Variants in SLC4A7 observed in about 807,000 individuals in gnomAD.
SLC4A7 encodes solute carrier family 4 member 7.
SLC4A7 carries 51 observed loss-of-function variants against 137.6 expected under a neutral mutation model. The ratio of observed to expected loss-of-function variants is 0.37; its 90% CI spans 0.30 to 0.47. The LOEUF (loss-of-function observed/expected upper bound fraction) is 0.47, where lower values mean the gene tolerates loss of function less well. Among genes scored for constraint, SLC4A7 ranks in the 20% least tolerant of loss-of-function variants. The probability of loss-of-function intolerance (pLI) is 1.00; values close to 1 mark genes in which losing one functional copy is unlikely to be tolerated. For synonymous variants in SLC4A7, 542 were observed against 518.6 expected (o/e 1.05, Z -0.61); for missense variants, 1,247 against 1,525.4 (o/e 0.82, Z 3.04).
chr3:27,441,071 A>T (rs900694851), intron 3 of SLC4A7, among the ~76,000 whole-genome samples: 1 of 152,182 alleles, frequency 6.6e-6, no homozygotes, highest in Non-Finnish European at 1.5e-5. Flanking sequence ...AAAAAAAATT[A>T]ACCTAATCAC....
rs2053693974 is a variant in SLC4A7 at position 27,409,462 on chromosome 3, G to A, written c.1835C>T (p.Ala612Val). The A allele has an allele frequency of 6.2e-7, 1 of 1,613,674 alleles. No homozygotes were observed. Among genetic ancestry groups the A allele is most frequent in the Non-Finnish European group, 8.5e-7 (1 of 1,179,686 alleles). ...CGAGGCCAGGCACTGCAGGCTTAATGCATCCTTGAAGTCACTCAAGAAAAA... is the reference window on the plus strand; with the variant it reads ...CGAGGCCAGGCACTGCAGGCTTAATACATCCTTGAAGTCACTCAAGAAAAA... Reference protein sequence around the residue: ...APFFLSDFKDALSLQCLASIL... With the variant: ...APFFLSDFKDVLSLQCLASIL... Residue 612 changes from alanine (A) to valine (V), a missense_variant, in exon 13 of 26, where the codon GCA (alanine) becomes GTA (valine). Physicochemically the swap from Ala to Val is moderately conservative, Grantham distance 64. Transcript: ENST00000454389.
chr3:27,481,048 G>C (rs1576705804), intron 1 of SLC4A7, among the ~76,000 whole-genome samples: 1 of 152,158 alleles, frequency 6.6e-6, no homozygotes, highest in African/African-American at 2.4e-5. Flanking sequence ...AGTGGTATCA[G>C]AATTGTGTTA....
intron 8 of SLC4A7, chr3:27,422,886 A>G (rs2055143221): frequency 2.3e-6 from 1 of 431,398 alleles, no homozygotes; most frequent in African/African-American, 2.0e-5. Flanking sequence ...TAGGCCAAGT[A>G]AAAAAAAGTA....
intron 20 of SLC4A7, among the ~76,000 whole-genome samples, chr3:27,392,814 A>C (rs2051712224): frequency 6.6e-6 from 1 of 152,164 alleles, no homozygotes; most frequent in South Asian, 2.1e-4. Context: ...TGATGGAGTG[A>C]GACTCTGTCT....
intron 12 of SLC4A7, among the ~76,000 whole-genome samples, chr3:27,411,327 T>C (rs2053878463): frequency 6.6e-6 from 1 of 152,076 alleles, no homozygotes; most frequent in South Asian, 2.1e-4. Context: ...TGAAGAATTA[T>C]AATAAGACTC....
At chr3:27,388,767 T>C (rs143537115) in intron 22 of SLC4A7, among the ~76,000 whole-genome samples, 1 of 152,202 alleles carries the variant, frequency 6.6e-6, no homozygotes, top group African/African-American at 2.4e-5. Flanking sequence ...TAATGTCAAA[T>C]AAAAAATAAT....
At chr3:27,428,511 G>C (rs879775765) in intron 7 of SLC4A7, among the ~76,000 whole-genome samples, 1 of 151,848 alleles carries the variant, frequency 6.6e-6, no homozygotes, top group Non-Finnish European at 1.5e-5. Context: ...ATCCTTTTTT[G>C]CAACTACAAT....
At chr3:27,421,128 A>G (rs141315457) in intron 9 of SLC4A7, among the ~76,000 whole-genome samples, 21 of 151,946 alleles carry the variant, frequency 1.4e-4, no homozygotes, top group African/African-American at 4.8e-4. Context: ...TAGTTCCAGG[A>G]AGAAAATGAT....
chr3:27,374,026 GA>G lies in SLC4A7; in HGVS notation c.*2737del, dbSNP rs1266103045. 1 of 152,466 alleles carries G rather than the reference GA, an allele frequency of 6.6e-6. No individual in the cohort carries two copies. The highest frequency in any genetic ancestry group is 1.5e-5 in the Non-Finnish European group (1 of 67,924). The allele number at this position is 152,466 out of a possible 1,614,324, so 9.4% of individuals were successfully genotyped here. On this transcript the variant is annotated 3_prime_UTR_variant, in exon 26 of 26. Coordinates refer to ENST00000454389, the MANE Select transcript of SLC4A7 (RefSeq NM_001321103.2). ...CTTCGGCATATTTAATATCATTAAA[GA>G]ATATATAGAATCATCCTTTTATCAT...
chr3:27,444,722 A>T (rs2057459506), intron 3 of SLC4A7, among the ~76,000 whole-genome samples: 1 of 152,158 alleles, frequency 6.6e-6, no homozygotes, highest in Admixed American at 6.6e-5. Context: ...TTTGAGCATA[A>T]ATATGCTAGT....
At chr3:27,413,484 G>A (rs2054100802) in intron 11 of SLC4A7, among the ~76,000 whole-genome samples, 1 of 152,124 alleles carries the variant, frequency 6.6e-6, no homozygotes, top group African/African-American at 2.4e-5. Context: ...CCAATCTACA[G>A]TAATACAAAC....
At chr3:27,458,411 G>A (rs1168163470) in intron 1 of SLC4A7, among the ~76,000 whole-genome samples, 2 of 152,078 alleles carry the variant, frequency 1.3e-5, no homozygotes, top group Non-Finnish European at 2.9e-5. Flanking sequence ...TTTACATAGG[G>A]AGACTGACTG....
intron 24 of SLC4A7, among the ~76,000 whole-genome samples, chr3:27,380,065 T>TTGG (rs1400526923): frequency 1.3e-5 from 2 of 152,108 alleles, no homozygotes; most frequent in East Asian, 3.9e-4. Flanking sequence ...TCCCAGCACT[T>TTGG]TGGGAGGCCA....
intron 6 of SLC4A7, among the ~76,000 whole-genome samples, chr3:27,432,583 C>T (rs1408456068): frequency 2.0e-5 from 3 of 152,032 alleles, no homozygotes. Context: ...TTCCATATGG[C>T]CTAATCAAAG....
At chr3:27,389,857 AT>A (rs2051351371) in intron 22 of SLC4A7, 73 bp downstream of exon 22, 2 of 1,121,964 alleles carry the variant, frequency 1.8e-6, no homozygotes, top group South Asian at 3.2e-5. Context: ...CTCAAAATCA[AT>A]TATAAATATT....
intron 1 of SLC4A7, among the ~76,000 whole-genome samples, chr3:27,482,005 T>C (rs1187224205): frequency 6.6e-6 from 1 of 152,132 alleles, no homozygotes. Flanking sequence ...TGGTGGCACA[T>C]GCCTGTAATC....
intron 25 of SLC4A7, among the ~76,000 whole-genome samples, chr3:27,378,983 A>G (rs760114332): frequency 5.3e-5 from 8 of 152,130 alleles, no homozygotes; most frequent in Non-Finnish European, 7.4e-5. Context: ...GGCTCACTGC[A>G]AGTGACCTCA....
chr3:27,395,128 T>A lies in SLC4A7; in HGVS notation c.2704-13A>T. The A allele has an allele frequency of 6.4e-7, 1 of 1,555,922 alleles. No homozygotes were observed. The highest frequency in any genetic ancestry group is 8.6e-7 in the Non-Finnish European group (1 of 1,158,106). On this transcript the variant is annotated splice_polypyrimidine_tract_variant and intron_variant, in intron 18 of 25. Coordinates refer to ENST00000454389, the MANE Select transcript of SLC4A7 (RefSeq NM_001321103.2). Reference sequence around the variant, plus strand: ...CTGGATGAGTAGGCTGTTAAAAAATTAAATATAATTTTCAAAAAGTCTCCT... The same window carrying A: ...CTGGATGAGTAGGCTGTTAAAAAATAAAATATAATTTTCAAAAAGTCTCCT...
At chr3:27,378,540 GAACA>G (rs2050120805) in intron 25 of SLC4A7, among the ~76,000 whole-genome samples, 1 of 152,038 alleles carries the variant, frequency 6.6e-6, no homozygotes, top group African/African-American at 2.4e-5. Flanking sequence ...CTTGAAGTGA[GAACA>G]AAAGAAAGAA....
Sources: allele counts gnomAD v4.1 joint callset (sites outside exome capture counted in the v4.1 genomes callset), GRCh38; gene constraint gnomAD v4.1.1; transcripts MANE v1.5; gene names NCBI Gene and HGNC (gene_info 2026-07-23, HGNC 2026-07-21).